The following CCSER2 variants were observed in gnomAD, a reference collection of about 807,000 sequenced individuals.
CCSER2 encodes the protein coiled-coil serine rich protein 2, also known as serine-rich coiled-coil domain-containing protein 2.
Under a neutral mutation model 92.3 loss-of-function variants are expected in CCSER2, and 46 were observed. The ratio of observed to expected loss-of-function variants is 0.50; its 90% CI spans 0.39 to 0.64. The LOEUF (loss-of-function observed/expected upper bound fraction) is 0.64, where lower values mean the gene tolerates loss of function less well. CCSER2 is among the 30% of genes least tolerant of loss of function. The pLI is 0.00. For synonymous variants in CCSER2, 433 were observed against 431.4 expected (o/e 1.00, Z -0.04); for missense variants, 1,244 against 1,238.9 (o/e 1.00, Z -0.06).
chr10:84,449,942 T>C (rs1420290957), intron 6 of CCSER2, among the ~76,000 whole-genome samples: 1 of 152,244 alleles, frequency 6.6e-6, no homozygotes, highest in East Asian at 1.9e-4. Flanking sequence ...CTGATAGTAT[T>C]CTAAAATGCT....
chr10:84,386,359 T>A (rs1841203652), intron 3 of CCSER2, among the ~76,000 whole-genome samples: 1 of 152,160 alleles, frequency 6.6e-6, no homozygotes, highest in African/African-American at 2.4e-5. Context: ...TGTCCATTAG[T>A]AGTTGATTGG....
intron 6 of CCSER2, among the ~76,000 whole-genome samples, chr10:84,441,861 A>G (rs2133534439): frequency 7.1e-6 from 1 of 141,402 alleles, no homozygotes; most frequent in East Asian, 2.1e-4. Context: ...GGTTCACGCC[A>G]TTCTCCTGCC....
At chr10:84,505,919 G>C (rs1366238840) in intron 9 of CCSER2, among the ~76,000 whole-genome samples, 1 of 151,674 alleles carries the variant, frequency 6.6e-6, no homozygotes. Flanking sequence ...CAGTATTCTT[G>C]TACTCTGGAT....
chr10:84,442,060 G>T (rs1041408485), intron 6 of CCSER2, among the ~76,000 whole-genome samples: 5 of 152,174 alleles, frequency 3.3e-5, no homozygotes, highest in Admixed American at 3.3e-4. Context: ...CTAGCCAAAT[G>T]TTAGTTTCTT....
At chr10:84,508,853 A>G (rs768588960) in intron 9 of CCSER2, among the ~76,000 whole-genome samples, 2 of 152,238 alleles carry the variant, frequency 1.3e-5, no homozygotes, top group Non-Finnish European at 2.9e-5. Context: ...ATATGCTTTA[A>G]TAATCATAGA....
chr10:84,491,365 C>T (rs908357625), intron 9 of CCSER2, among the ~76,000 whole-genome samples: 3 of 152,206 alleles, frequency 2.0e-5, no homozygotes, highest in East Asian at 3.9e-4. Flanking sequence ...AGGCAGGCCT[C>T]CTTGAGCTGA....
rs117634355 is a variant in CCSER2, at chr10:84,515,383, A to G, written c.*1116A>G. On this transcript the variant is annotated 3_prime_UTR_variant, in exon 10 of 10. Coordinates refer to ENST00000372088, the MANE Select transcript of CCSER2 (RefSeq NM_001284240.2). Reference sequence around the variant, plus strand: ...TATCTTGAGAAAGCTGGAGTTCATAATATTCTCCCCCTCCCCCATCTCCAG... The same window carrying G: ...TATCTTGAGAAAGCTGGAGTTCATAGTATTCTCCCCCTCCCCCATCTCCAG... 0.015 allele frequency: 2,342 copies of G among 152,460 alleles called. 23 individuals are homozygous for G. Among genetic ancestry groups the G allele is most frequent in the Non-Finnish European group, 0.026 (1,757 of 67,992 alleles). 9.4% of individuals were successfully genotyped at this position (152,460 alleles called of 1,614,324 possible). A position where few individuals can be genotyped will look rare whatever the true frequency, so the allele number is the denominator to read the frequency against.
At chr10:84,339,299 C>A (rs1246154335) in intron 1 of CCSER2, among the ~76,000 whole-genome samples, 1 of 150,410 alleles carries the variant, frequency 6.6e-6, no homozygotes, top group Non-Finnish European at 1.5e-5. Flanking sequence ...CCACTGTGCC[C>A]AGCCTCTCCA....
intron 3 of CCSER2, among the ~76,000 whole-genome samples, chr10:84,409,498 A>G (rs1000621658): frequency 5.9e-5 from 9 of 151,660 alleles, no homozygotes; most frequent in African/African-American, 1.2e-4. Flanking sequence ...AGTATTTTCT[A>G]TGTATATTAT....
intron 9 of CCSER2, among the ~76,000 whole-genome samples, chr10:84,488,166 A>G (rs548291242): frequency 1.5e-4 from 23 of 152,206 alleles, no homozygotes; most frequent in Non-Finnish European, 2.1e-4. Flanking sequence ...GGATTTTTGC[A>G]TCGATGTTCA....
chr10:84,333,716 A>G (rs2132969888), intron 1 of CCSER2, among the ~76,000 whole-genome samples: 1 of 152,360 alleles, frequency 6.6e-6, no homozygotes, highest in East Asian at 1.9e-4. Flanking sequence ...TTGAGGTGGA[A>G]GTGGAGATCG....
At chr10:84,474,228 G>T (rs1182507816) in intron 8 of CCSER2, among the ~76,000 whole-genome samples, 1 of 152,156 alleles carries the variant, frequency 6.6e-6, no homozygotes, top group African/African-American at 2.4e-5. Flanking sequence ...GTGGAACTCA[G>T]GTTAAGTGGG....
At chr10:84,459,335 AG>A (rs1589725765) in intron 6 of CCSER2, among the ~76,000 whole-genome samples, 2 of 152,104 alleles carry the variant, frequency 1.3e-5, no homozygotes, top group East Asian at 3.9e-4. Flanking sequence ...TGTCTAAATG[AG>A]GTTATTTTAT....
At chr10:84,362,610 CT>C (rs1257710249) in intron 1 of CCSER2, among the ~76,000 whole-genome samples, 4 of 152,090 alleles carry the variant, frequency 2.6e-5, no homozygotes, top group Admixed American at 1.3e-4. Flanking sequence ...TTGAGCTTAA[CT>C]TTTACAAGTT....
chr10:84,447,699 T>C (rs1845010990), intron 6 of CCSER2, among the ~76,000 whole-genome samples: 1 of 152,232 alleles, frequency 6.6e-6, no homozygotes, highest in African/African-American at 2.4e-5. Context: ...TAACTTGGAA[T>C]TGATTTTGGT....
intron 9 of CCSER2, among the ~76,000 whole-genome samples, chr10:84,488,004 G>T (rs1847912620): frequency 6.6e-6 from 1 of 152,092 alleles, no homozygotes; most frequent in Admixed American, 6.6e-5. Context: ...TAATCATATG[G>T]TTTTTGTCTT....
chr10:84,370,944 T>C (rs1273242624), intron 1 of CCSER2, 70 bp from the exon 2 acceptor site: 1 of 695,100 alleles, frequency 1.4e-6, no homozygotes, highest in East Asian at 2.9e-5. Flanking sequence ...GTAAGTATCA[T>C]ATTATGTAAT....
rs1266142669 is a variant in CCSER2, at chr10:84,371,104, T to G, written c.52T>G (p.Tyr18Asp). ...ATTTTTGGGTTCCAAGTTGCCAAAG[T>G]ATGGAACAAAATCTGTAAGAAGTAC... The part of the protein sequence containing the change: ...KTFLGSKLPK[Y>D]GTKSVRSTLQ... Residue 18 changes from tyrosine to aspartate, a missense_variant, in exon 2 of 10, where the codon TAT (tyrosine) becomes GAT (aspartate). Coordinates refer to ENST00000372088, the MANE Select transcript of CCSER2 (RefSeq NM_001284240.2). 1.9e-6 allele frequency: 3 copies of G among 1,608,028 alleles called. No individual in the cohort carries two copies. The highest frequency in any genetic ancestry group is 2.5e-6 in the Non-Finnish European group (3 of 1,177,944).
At chr10:84,437,237 G>A (rs1024781003) in intron 5 of CCSER2, among the ~76,000 whole-genome samples, 4 of 151,926 alleles carry the variant, frequency 2.6e-5, no homozygotes, top group African/African-American at 9.7e-5. Flanking sequence ...AGAAGTTCTC[G>A]GCCGGGCATG....
Sources: allele counts gnomAD v4.1 joint callset (sites outside exome capture counted in the v4.1 genomes callset), GRCh38; gene constraint gnomAD v4.1.1; transcripts MANE v1.5; gene names NCBI Gene and HGNC (gene_info 2026-07-23, HGNC 2026-07-21).